PHF14: variants seen among roughly 807,000 people sequenced by gnomAD.
The protein encoded by PHF14 is PHD finger protein 14.
Under a neutral mutation model 117.9 loss-of-function variants are expected in PHF14, and 55 were observed. The ratio of observed to expected loss-of-function variants is 0.47; its 90% CI spans 0.38 to 0.58. PHF14 has a LOEUF of 0.58. PHF14 is among the 20% of genes least tolerant of loss of function. PHF14 has a pLI of 0.00. For synonymous variants in PHF14, 409 were observed against 368.6 expected, an observed-to-expected ratio of 1.11 and a Z score of -1.26; for missense variants, 978 against 1,122.2, an observed-to-expected ratio of 0.87 and a Z score of 1.84.
At chr7:11,078,299 T>C (rs1423898811) in intron 16 of PHF14, among the ~76,000 whole-genome samples, 1 of 152,128 alleles carries the variant, frequency 6.6e-6, no homozygotes, top group African/African-American at 2.4e-5. Context: ...GATAGTGCAT[T>C]TAATATTTAT....
At chr7:11,138,126 TG>T (rs1788287775) in intron 17 of PHF14, among the ~76,000 whole-genome samples, 1 of 151,588 alleles carries the variant, frequency 6.6e-6, no homozygotes, top group Non-Finnish European at 1.5e-5. Context: ...CTGCAGGCTC[TG>T]CCTCCTGGAT....
In PHF14 at chr7:11,037,018, A is replaced by G; in HGVS notation, c.1907A>G (p.Asn636Ser). The G allele has an allele frequency of 6.6e-7, 1 of 1,517,612 alleles. No homozygotes were observed. Among genetic ancestry groups the G allele is most frequent in the East Asian group, 2.3e-5 (1 of 42,996 alleles). 94.0% of individuals were successfully genotyped at this position (1,517,612 alleles called of 1,614,324 possible). A position where few individuals can be genotyped will look rare whatever the true frequency, so the allele number is the denominator to read the frequency against. Residue 636 changes from asparagine to serine, a missense_variant, in exon 10 of 18, where the codon AAT (asparagine) becomes AGT (serine). By Grantham distance (46) the Asn-to-Ser change is conservative (BLOSUM62 1). This residue lies in a region of PHF14 where 237 missense variants were observed against 276.4 expected (regional missense o/e 0.86). Transcript: ENST00000634607. ...ATGCGCATGATTCAAATTCAGGAAAATATGGCTGAACAAAAGAATATAAAA... is the reference window on the plus strand; with the variant it reads ...ATGCGCATGATTCAAATTCAGGAAAGTATGGCTGAACAAAAGAATATAAAA... ...RNMRMIQIQE[N>S]MAEQKNIKDK...
At chr7:11,069,900 C>CT (rs1215719527) in intron 16 of PHF14, among the ~76,000 whole-genome samples, 1 of 150,076 alleles carries the variant, frequency 6.7e-6, no homozygotes, top group Non-Finnish European at 1.5e-5. Flanking sequence ...TTAGATAATA[C>CT]TGGCCTTCTG....
Position 10,995,561 on chromosome 7 carries a change from A to T in PHF14, c.1045+4714A>T, listed in dbSNP as rs151076623. On this transcript the variant is annotated intron_variant, in intron 4 of 17. Coordinates refer to ENST00000634607, the MANE Select transcript of PHF14 (RefSeq NM_001007157.2). ...CCCATGCCGTGTGCCCGCATTCCTC[A>T]GCCCTTGGGTGGTCGATGGGACCGC... 6.5e-4 allele frequency among the ~76,000 whole-genome samples: 99 copies of T among 152,238 alleles called. 4 individuals are homozygous for T. The East Asian group carries it at 0.016, about 24-fold the overall frequency.
At chr7:11,102,556 T>C in intron 16 of PHF14, 1 of 1,609,300 alleles carries the variant, frequency 6.2e-7, no homozygotes, top group African/African-American at 1.3e-5. Flanking sequence ...CTTTTATAAG[T>C]GTGATTTTAA....
chr7:11,107,414 A>T (rs972344718), intron 16 of PHF14: 18 of 829,092 alleles, frequency 2.2e-5, no homozygotes, highest in Middle Eastern at 6.2e-4. Context: ...CTACTTTGTT[A>T]TTTACATCTA....
At chr7:11,069,473 G>T (rs1410522093) in intron 16 of PHF14, among the ~76,000 whole-genome samples, 1 of 152,102 alleles carries the variant, frequency 6.6e-6, no homozygotes, top group African/African-American at 2.4e-5. Context: ...TCCCAGGGAG[G>T]CTTCAAAATC....
intron 16 of PHF14, among the ~76,000 whole-genome samples, chr7:11,102,240 A>G (rs1029032105): frequency 1.3e-5 from 2 of 151,848 alleles, no homozygotes; most frequent in African/African-American, 4.8e-5. Context: ...TATTTTGACA[A>G]CCAAAAGTAA....
chr7:11,146,755 T>C (rs1333921999), intron 17 of PHF14, among the ~76,000 whole-genome samples: 8 of 152,206 alleles, frequency 5.3e-5, no homozygotes. Flanking sequence ...CATGTAAATA[T>C]AAAATAAGAT....
At chr7:10,979,550 TCTC>T (rs1373994361) in intron 2 of PHF14, among the ~76,000 whole-genome samples, 3 of 149,956 alleles carry the variant, frequency 2.0e-5, no homozygotes, top group African/African-American at 4.9e-5. Context: ...TTCCTTTCTC[TCTC>T]TTTTTTTTTT....
intron 17 of PHF14, among the ~76,000 whole-genome samples, chr7:11,122,048 T>A (rs1258343244): frequency 6.6e-6 from 1 of 151,488 alleles, no homozygotes; most frequent in Admixed American, 6.6e-5. Context: ...TGTGTGTTGC[T>A]TCTCTCCCTG....
intron 4 of PHF14, among the ~76,000 whole-genome samples, chr7:10,995,036 G>T (rs1379889590): frequency 2.0e-5 from 3 of 152,158 alleles, no homozygotes; most frequent in Admixed American, 6.5e-5. Flanking sequence ...GCTGATTGGT[G>T]TGTTTACAAT....
intron 4 of PHF14, among the ~76,000 whole-genome samples, chr7:10,991,729 T>G (rs1782458554): frequency 6.6e-6 from 1 of 150,474 alleles, no homozygotes; most frequent in African/African-American, 2.4e-5. Flanking sequence ...CTGTTTCTTG[T>G]TTGTTTTTTT....
At chr7:11,167,548 G>C (rs1237155112) in intron 17 of PHF14, among the ~76,000 whole-genome samples, 1 of 152,092 alleles carries the variant, frequency 6.6e-6, no homozygotes, top group Non-Finnish European at 1.5e-5. Context: ...CTGTTAGATG[G>C]TAGGAATGTA....
intron 12 of PHF14, among the ~76,000 whole-genome samples, 165 bp downstream of exon 12, chr7:11,040,940 A>G (rs1784484920): frequency 6.6e-6 from 1 of 152,066 alleles, no homozygotes; most frequent in Non-Finnish European, 1.5e-5. Context: ...AGTTTGAATG[A>G]TAGAGGAGAT....
intron 4 of PHF14, among the ~76,000 whole-genome samples, chr7:11,009,854 G>T (rs1260249056): frequency 6.6e-6 from 1 of 152,228 alleles, no homozygotes; most frequent in South Asian, 2.1e-4. Flanking sequence ...TACAAAGGAA[G>T]AATTTCCTGG....
intron 16 of PHF14, 66 bp downstream of exon 16, chr7:11,062,151 A>AAAAAATG: frequency 7.5e-7 from 1 of 1,337,162 alleles, no homozygotes; most frequent in South Asian, 1.5e-5. Flanking sequence ...CTCATCACAG[A>AAAAAATG]AAAAATGAAA....
Position 11,053,092 on chromosome 7 carries a change from T to C in PHF14, c.2481+1312T>C, listed in dbSNP as rs543718106. Among the ~76,000 whole-genome samples, 87 of 152,238 alleles carry C rather than the reference T, an allele frequency of 5.7e-4. 1 individual carries two copies. The highest frequency in any genetic ancestry group is 3.4e-3 in the Middle Eastern group (1 of 294). On this transcript the variant is annotated intron_variant, in intron 14 of 17. Transcript: ENST00000634607. ...TTTCCACAAGGGAGATACAAAGATA[T>C]TTTTAGGGTTAGTTGTCATCATTTG...
At chr7:11,138,617 CAT>C (rs766022229) in intron 17 of PHF14, among the ~76,000 whole-genome samples, 26 of 152,124 alleles carry the variant, frequency 1.7e-4, no homozygotes, top group Non-Finnish European at 2.5e-4. Flanking sequence ...AAAACAATAA[CAT>C]ATAAATCATA....
Sources: allele counts gnomAD v4.1 joint callset (sites outside exome capture counted in the v4.1 genomes callset), GRCh38; gene constraint gnomAD v4.1.1; regional missense constraint gnomAD v4.1.1; transcripts MANE v1.5; gene names NCBI Gene and HGNC (gene_info 2026-07-23, HGNC 2026-07-21).